Variants in ANKFN1 observed in about 807,000 individuals in gnomAD.
ANKFN1 encodes ankyrin repeat and fibronectin type-III domain-containing protein 1.
ANKFN1 carries 74 observed loss-of-function variants against 108.7 expected under a neutral mutation model. That is an observed-to-expected ratio of 0.68 (90% confidence interval 0.56 to 0.83). The LOEUF (loss-of-function observed/expected upper bound fraction) is 0.83, where lower values mean the gene tolerates loss of function less well. Among genes scored for constraint, ANKFN1 ranks in the 40% least tolerant of loss-of-function variants. ANKFN1 has a pLI of 0.00. For synonymous variants in ANKFN1, 547 were observed against 516.2 expected, an observed-to-expected ratio of 1.06 and a Z score of -0.81; for missense variants, 1,505 against 1,382.3, an observed-to-expected ratio of 1.09 and a Z score of -1.41.
At position 56,482,442 on chromosome 17, in the gene ANKFN1, C is replaced by T. The variant is rs995525935; in HGVS notation, c.2178C>T (p.Asp726=). The change falls in exon 18 of 21, where the codon GAC becomes GAT. Residue 726 remains aspartate (D), a synonymous_variant. Transcript: ENST00000682825. ...SFLLLLPASD[D]VCTAPGQNNP... ...TTCTCCTGCTCCCTGCCTCAGACGA[C>T]GTCTGTACAGCCCCAGGACAGAATA... 1.1e-5 allele frequency: 17 copies of T among 1,613,718 alleles called. No homozygotes were observed. Among genetic ancestry groups the T allele is most frequent in the South Asian group, 2.2e-5 (2 of 90,980 alleles).
rs373806327 is a variant in ANKFN1, at chr17:56,251,761, A to G, written c.53+23804A>G. 6.6e-5 allele frequency among the ~76,000 whole-genome samples: 10 copies of G among 152,310 alleles called. No homozygotes were observed. In the East Asian group the frequency reaches 1.7e-3, roughly 26 times the overall value. On this transcript the variant is annotated intron_variant, in intron 3 of 20. Transcript: ENST00000682825. ...AAGCTAACATGGAAATGCATGTTCTATCAGGAGAGTTAAAAGAAGAGAAAA... is the reference window on the plus strand; with the variant it reads ...AAGCTAACATGGAAATGCATGTTCTGTCAGGAGAGTTAAAAGAAGAGAAAA...
At chr17:56,415,522 A>G (rs938689678) in intron 8 of ANKFN1, among the ~76,000 whole-genome samples, 1 of 152,224 alleles carries the variant, frequency 6.6e-6, no homozygotes, top group African/African-American at 2.4e-5. Context: ...AAAGATCTCT[A>G]CAATGAAAAC....
intron 4 of ANKFN1, among the ~76,000 whole-genome samples, chr17:56,334,104 C>T (rs2045740595): frequency 6.6e-6 from 1 of 152,082 alleles, no homozygotes; most frequent in Non-Finnish European, 1.5e-5. Flanking sequence ...AGTGGCATAT[C>T]CATACAATGG....
intron 10 of ANKFN1, among the ~76,000 whole-genome samples, chr17:56,443,507 T>C (rs535028616): frequency 6.6e-6 from 1 of 152,272 alleles, no homozygotes; most frequent in South Asian, 2.1e-4. Context: ...ATACAGTCCA[T>C]TGTAGCTCTC....
At chr17:56,385,214 T>C (rs1048295154) in intron 8 of ANKFN1, among the ~76,000 whole-genome samples, 2 of 152,116 alleles carry the variant, frequency 1.3e-5, no homozygotes, top group African/African-American at 4.8e-5. Context: ...AAACAAGCAA[T>C]GGGGAAAGGA....
At chr17:56,437,973 G>GGGGTGTGTGTGTGTGTGTGTGTGTGT (rs1555653063) in intron 8 of ANKFN1, among the ~76,000 whole-genome samples, 8 of 142,276 alleles carry the variant, frequency 5.6e-5, no homozygotes, top group African/African-American at 2.1e-4. Flanking sequence ...ATCTACTGTA[G>GGGGTGTGTGTGTGTGTGTGTGTGTGT]GTGTGTGTGT....
chr17:56,418,057 C>T (rs1375799683), intron 8 of ANKFN1, among the ~76,000 whole-genome samples: 3 of 152,266 alleles, frequency 2.0e-5, no homozygotes, highest in African/African-American at 4.8e-5. Context: ...CAATAGAAAT[C>T]GTTTGGCAAA....
intron 8 of ANKFN1, among the ~76,000 whole-genome samples, chr17:56,386,014 A>C (rs1225779186): frequency 6.6e-6 from 1 of 152,192 alleles, no homozygotes; most frequent in Admixed American, 6.5e-5. Context: ...ATAAAGACAC[A>C]TGCACGCGTA....
intron 15 of ANKFN1, among the ~76,000 whole-genome samples, chr17:56,467,731 G>C (rs2050126991): frequency 5.8e-5 from 7 of 120,736 alleles, no homozygotes; most frequent in African/African-American, 2.5e-4. Context: ...AAGAAAGAGA[G>C]AAAGAAAGAA....
intron 3 of ANKFN1, among the ~76,000 whole-genome samples, chr17:56,319,892 C>A (rs891027565): frequency 2.0e-5 from 3 of 152,004 alleles, no homozygotes; most frequent in Non-Finnish European, 4.4e-5. Context: ...TAATGTAAAA[C>A]AACTAACGAA....
At chr17:56,419,382 C>T (rs1189595658) in intron 8 of ANKFN1, among the ~76,000 whole-genome samples, 2 of 151,802 alleles carry the variant, frequency 1.3e-5, no homozygotes, top group Non-Finnish European at 2.9e-5. Flanking sequence ...ACTCAGGAGC[C>T]TGAGGTAGGA....
chr17:56,273,696 A>G (rs1356359402), intron 3 of ANKFN1, among the ~76,000 whole-genome samples: 1 of 152,234 alleles, frequency 6.6e-6, no homozygotes, highest in Admixed American at 6.5e-5. Flanking sequence ...AAAATGTTTA[A>G]GTTCCTAAAA....
intron 4 of ANKFN1, among the ~76,000 whole-genome samples, chr17:56,089,887 C>T (rs1905380945): frequency 6.6e-6 from 1 of 151,284 alleles, no homozygotes; most frequent in African/African-American, 2.4e-5. Context: ...TAACCTTGTA[C>T]TTGGCACGTA....
At position 56,188,581 on chromosome 17, in the gene ANKFN1, G is replaced by GTATATATATATATATA. The variant is rs61556880; in HGVS notation, c.-70-23997_-70-23982dup. On this transcript the variant is annotated intron_variant, in intron 1 of 20. Transcript: ENST00000682825. ...TGTGTGTATGTGTGTGTGTGTGTGT[G>GTATATATATATATATA]TATATATATATATATATATATATAT... 2.0e-3 allele frequency among the ~76,000 whole-genome samples: 98 copies of GTATATATATATATATA among 49,634 alleles called. 2 individuals carry two copies. Among genetic ancestry groups the GTATATATATATATATA allele is most frequent in the East Asian group, 3.7e-3 (5 of 1,344 alleles). 32.6% of individuals were successfully genotyped at this position (49,634 alleles called of 152,430 possible). A position where few individuals can be genotyped will look rare whatever the true frequency, so the allele number is the denominator to read the frequency against.
At chr17:56,325,748 G>A (rs916969194) in intron 3 of ANKFN1, among the ~76,000 whole-genome samples, 24 of 152,290 alleles carry the variant, frequency 1.6e-4, no homozygotes, top group African/African-American at 5.3e-4. Context: ...GGTCCCAGAC[G>A]GCTGTGGAAA....
intron 4 of ANKFN1, chr17:56,111,184 C>G (rs992827772): frequency 6.6e-6 from 1 of 152,464 alleles, no homozygotes; most frequent in African/African-American, 2.4e-5. Context: ...TTCCTTTAAC[C>G]TGGAGGGAAT....
rs144776424 is a variant in ANKFN1, at chr17:56,332,241, C to T, written c.188+5886C>T. 7.9e-5 allele frequency among the ~76,000 whole-genome samples: 12 copies of T among 152,154 alleles called. No individual in the cohort carries two copies. In the East Asian group the frequency reaches 2.1e-3, roughly 27 times the overall value. On this transcript the variant is annotated intron_variant, in intron 4 of 20. Coordinates refer to ENST00000682825, the MANE Select transcript of ANKFN1 (RefSeq NM_001370326.1). Reference sequence around the variant, plus strand: ...GGTAGTTTAGGAGACAGGATGATGGCGGCAATCGAGGCTCTCTGCTTATGT... The same window carrying T: ...GGTAGTTTAGGAGACAGGATGATGGTGGCAATCGAGGCTCTCTGCTTATGT...
chr17:56,433,462 A>G (rs1259399310), intron 8 of ANKFN1, among the ~76,000 whole-genome samples: 1 of 152,150 alleles, frequency 6.6e-6, no homozygotes, highest in Non-Finnish European at 1.5e-5. Context: ...CATACTATAT[A>G]TATGTATATA....
At chr17:56,366,669 C>T (rs112347081) in intron 6 of ANKFN1, among the ~76,000 whole-genome samples, 1 of 152,182 alleles carries the variant, frequency 6.6e-6, no homozygotes, top group African/African-American at 2.4e-5. Context: ...CGTGTTATAG[C>T]TGCCTACAGT....
Sources: gnomAD v4.1 joint callset for allele counts (sites outside exome capture counted in the v4.1 genomes callset) on GRCh38, gnomAD v4.1.1 for gene constraint, MANE v1.5 for transcripts, NCBI Gene and HGNC (gene_info 2026-07-23, HGNC 2026-07-21) for gene names.